FMN1: variants seen among roughly 807,000 people sequenced by gnomAD.
FMN1 encodes the protein formin-1.
A neutral mutation model predicts 132.4 loss-of-function variants in FMN1; 110 were observed. The ratio of observed to expected loss-of-function variants is 0.83; its 90% CI spans 0.71 to 0.97. FMN1 has a LOEUF of 0.97. FMN1 is among the 50% of genes least tolerant of loss of function. The probability of loss-of-function intolerance (pLI) is 0.00; values close to 1 mark genes in which losing one functional copy is unlikely to be tolerated. For missense variants in FMN1, 1,792 were observed against 1,705.3 expected (o/e 1.05, Z -0.90); for synonymous variants, 722 against 651.7 (o/e 1.11, Z -1.64).
rs1208690948 is a variant in FMN1, at chr15:32,926,209, G to C, written c.3191C>G (p.Ser1064Cys). The C allele has an allele frequency of 2.6e-6, 4 of 1,553,796 alleles. No homozygotes were observed. The highest frequency in any genetic ancestry group is 1.2e-5 in the South Asian group (1 of 81,910). ...ATCCTTCATTTCTAAATGTAAACTA[G>C]ATATCAAGATTCCCACAGTTTGAGA... ...KRSQTVGILI[S>C]SLHLEMKDIQ... is the part of the protein sequence containing the mutation. The change falls in exon 10 of 21, where the codon TCT (serine) becomes TGT (cysteine). Residue 1064 changes from serine to cysteine, a missense_variant. This residue lies in a region of FMN1 where 1,150 missense variants were observed against 1,043.1 expected (regional missense o/e 1.10). Coordinates refer to ENST00000616417, the MANE Select transcript of FMN1 (RefSeq NM_001277313.2).
At chr15:33,025,594 A>G (rs954606035) in intron 6 of FMN1, among the ~76,000 whole-genome samples, 1 of 152,204 alleles carries the variant, frequency 6.6e-6, no homozygotes, top group Non-Finnish European at 1.5e-5. Context: ...TATTTCAGCA[A>G]TTTGTGAAAC....
chr15:33,174,680 T>A (rs1212235616), intron 3 of FMN1, among the ~76,000 whole-genome samples: 1 of 152,206 alleles, frequency 6.6e-6, no homozygotes, highest in Non-Finnish European at 1.5e-5. Context: ...CTAGCCCCAA[T>A]ACTAGCCATT....
chr15:32,848,354 A>C (rs1238994495), intron 17 of FMN1, among the ~76,000 whole-genome samples: 2 of 61,666 alleles, frequency 3.2e-5, no homozygotes, highest in Non-Finnish European at 8.4e-5. Flanking sequence ...GTGCGTGCAC[A>C]CGTGTGTGTG....
intron 4 of FMN1, among the ~76,000 whole-genome samples, chr15:33,147,096 C>T (rs1262892347): frequency 1.3e-5 from 2 of 148,232 alleles, no homozygotes; most frequent in South Asian, 2.2e-4. Context: ...ACCTGGGAGG[C>T]GGAGGTTGCA....
intron 10 of FMN1, among the ~76,000 whole-genome samples, chr15:32,925,900 C>CAAAT (rs935321949): frequency 1.3e-5 from 2 of 152,050 alleles, no homozygotes; most frequent in Non-Finnish European, 2.9e-5. Context: ...ACCTGTAAAA[C>CAAAT]AAATAAATAA....
rs1199756229 is a variant in FMN1 at position 32,860,079 on chromosome 15, G to C, written c.3836-2972C>G. 3.4e-5 allele frequency among the ~76,000 whole-genome samples: 5 copies of C among 145,140 alleles called. No homozygotes were observed. The East Asian group carries it at 6.6e-4, about 19-fold the overall frequency. ...AATGAAAGGAGGAAAGAAAGGCAAA[G>C]GCAAAGGCAAGGCAAGGCAGGAGGG... On this transcript the variant is annotated intron_variant, in intron 16 of 20. Transcript: ENST00000616417.
chr15:32,949,755 A>G (rs1010716366), intron 9 of FMN1, among the ~76,000 whole-genome samples: 3 of 151,580 alleles, frequency 2.0e-5, no homozygotes, highest in African/African-American at 7.3e-5. Flanking sequence ...AACTATCAAC[A>G]GAGTGAACAG....
At chr15:33,091,493 TG>T (rs1241633565) in intron 4 of FMN1, among the ~76,000 whole-genome samples, 1 of 152,148 alleles carries the variant, frequency 6.6e-6, no homozygotes, top group African/African-American at 2.4e-5. Context: ...AATATCCCTA[TG>T]AAGGAAACAT....
At chr15:33,101,639 A>G (rs2039298036) in intron 4 of FMN1, among the ~76,000 whole-genome samples, 1 of 152,094 alleles carries the variant, frequency 6.6e-6, no homozygotes, top group Admixed American at 6.6e-5. Context: ...TTAAACCAAA[A>G]ATACAGCTAT....
intron 6 of FMN1, among the ~76,000 whole-genome samples, chr15:33,024,342 G>T (rs2035570007): frequency 1.4e-5 from 2 of 146,076 alleles, no homozygotes; most frequent in Non-Finnish European, 3.0e-5. Flanking sequence ...CGCCTACTGG[G>T]TTCATGCCAT....
chr15:32,775,391 G>A (rs11630940), intron 20 of FMN1, among the ~76,000 whole-genome samples: 22,504 of 151,882 alleles, frequency 0.15, 1,742 homozygotes, highest in Non-Finnish European at 0.17. Flanking sequence ...AGGGGAGGTC[G>A]TAAACCCACT....
rs769695194 is a variant in FMN1 at position 32,968,781 on chromosome 15, G to C, written c.2920C>G (p.Pro974Ala). Residue 974 changes from proline (P) to alanine (A), a missense_variant, in exon 8 of 21, where the codon CCA becomes GCA. Pro to Ala is a conservative substitution (Grantham distance 27). This residue lies in a region of FMN1 where 1,150 missense variants were observed against 1,043.1 expected (regional missense o/e 1.10). Transcript: ENST00000616417. ...ATGGGACAACTGGGCTCGATGGCTG[G>C]TTTTCGAGGACATTGACTGGAAGAA... is the stretch of plus-strand genomic sequence containing the variant. Reference protein sequence around the residue: ...GSSSSQCPRKPAIEPSCPMKP... With the variant: ...GSSSSQCPRKAAIEPSCPMKP... 2 of 1,578,166 alleles carry C rather than the reference G, an allele frequency of 1.3e-6. No homozygotes were observed. The highest frequency in any genetic ancestry group is 1.1e-5 in the South Asian group (1 of 90,478).
chr15:33,003,498 A>C (rs1255028584), intron 7 of FMN1, among the ~76,000 whole-genome samples: 2 of 152,256 alleles, frequency 1.3e-5, no homozygotes, highest in Non-Finnish European at 2.9e-5. Context: ...AGGAATGTGA[A>C]GGACCTCTTC....
At chr15:32,957,044 C>T (rs1169024403) in intron 9 of FMN1, among the ~76,000 whole-genome samples, 1 of 152,048 alleles carries the variant, frequency 6.6e-6, no homozygotes, top group Non-Finnish European at 1.5e-5. Flanking sequence ...CCCCCTTCCC[C>T]CAAAGTGTTT....
intron 16 of FMN1, among the ~76,000 whole-genome samples, chr15:32,882,905 C>A (rs2059805138): frequency 6.6e-6 from 1 of 152,208 alleles, no homozygotes; most frequent in African/African-American, 2.4e-5. Context: ...CAGGCAAGGG[C>A]CACACTTTCA....
intron 15 of FMN1, among the ~76,000 whole-genome samples, chr15:32,890,264 T>A (rs1158213942): frequency 1.3e-5 from 2 of 152,192 alleles, no homozygotes; most frequent in African/African-American, 4.8e-5. Context: ...ATATAATGAC[T>A]TCTTTTCCTC....
intron 6 of FMN1, among the ~76,000 whole-genome samples, chr15:33,037,215 CA>C (rs1482126834): frequency 6.6e-6 from 1 of 152,216 alleles, no homozygotes; most frequent in Non-Finnish European, 1.5e-5. Flanking sequence ...GGACCTCAGA[CA>C]AACACACTGG....
At chr15:32,889,972 C>T (rs916372702) in intron 15 of FMN1, among the ~76,000 whole-genome samples, 1 of 152,186 alleles carries the variant, frequency 6.6e-6, no homozygotes, top group African/African-American at 2.4e-5. Context: ...CATTCCTATG[C>T]CTTTGCATCC....
intron 7 of FMN1, among the ~76,000 whole-genome samples, chr15:32,975,082 G>A (rs2032095510): frequency 6.6e-6 from 1 of 152,090 alleles, no homozygotes; most frequent in South Asian, 2.1e-4. Flanking sequence ...TCTACTTAGA[G>A]AACCTTTTAT....
Sources: gnomAD v4.1 joint callset for allele counts (sites outside exome capture counted in the v4.1 genomes callset) on GRCh38, gnomAD v4.1.1 for gene constraint, gnomAD v4.1.1 regional missense constraint, MANE v1.5 for transcripts, NCBI Gene and HGNC (gene_info 2026-07-23, HGNC 2026-07-21) for gene names.